The following MGST1 variants were observed in gnomAD, a reference collection of about 807,000 sequenced individuals.
MGST1 encodes microsomal glutathione S-transferase 1.
A neutral mutation model predicts 8.9 loss-of-function variants in MGST1; 5 were observed. The observed-to-expected ratio is 0.56, with a 90% CI of 0.29 to 1.19. The LOEUF (loss-of-function observed/expected upper bound fraction) is 1.19. MGST1 is among the 50% of genes most tolerant of loss of function. The probability of loss-of-function intolerance (pLI) is 0.08; values close to 1 mark genes in which losing one functional copy is unlikely to be tolerated. For synonymous variants in MGST1, 54 were observed against 67.8 expected (o/e 0.80, Z 1.00); for missense variants, 182 against 187.4 (o/e 0.97, Z 0.17).
chr12:16,454,902 A>AAAAAAG lies in MGST1; in HGVS notation n.482+71300_482+71301insAAAGAA, dbSNP rs1555104768. ...AAAAAAAAAAAAAAAAAAAAAAAAA[A>AAAAAAG]AAGGAGATGGGAAGATTTGAGGAGA... is the stretch of plus-strand genomic sequence containing the variant. On this transcript the variant is annotated intron_variant and non_coding_transcript_variant, in intron 4 of 4. Transcript: ENST00000538857. 4.4e-3 allele frequency among the ~76,000 whole-genome samples: 552 copies of AAAAAAG among 125,966 alleles called. 73 individuals are homozygous for AAAAAAG. The highest frequency in any genetic ancestry group is 0.017 in the African/African-American group (524 of 30,902). The allele number at this position is 125,966 out of a possible 152,430, so 82.6% of individuals were successfully genotyped here. A position where few individuals can be genotyped will look rare whatever the true frequency, so the allele number is the denominator to read the frequency against.
intron 3 of MGST1, among the ~76,000 whole-genome samples, chr12:16,359,939 T>C (rs1310899705): frequency 6.6e-6 from 1 of 152,212 alleles, no homozygotes; most frequent in African/African-American, 2.4e-5. Flanking sequence ...GCCCGTGGGA[T>C]TGTACTTTTA....
Position 16,560,689 on chromosome 12 carries a change from A to C in MGST1, n.483-28839A>C. On this transcript the variant is annotated intron_variant and non_coding_transcript_variant, in intron 4 of 4. Transcript: ENST00000538857. The surrounding 1 kb of genome is among the most constrained non-coding windows in gnomAD (Gnocchi z 5.0). The stretch of plus-strand genomic sequence containing the variant: ...GATTTTATCCTAGGTGTATGCATAA[A>C]TATTCTTCTGCAATATATTCTCCGT... 1.0e-5 allele frequency: 7 copies of C among 678,892 alleles called. No individual in the cohort carries two copies. The highest frequency in any genetic ancestry group is 1.8e-5 in the Non-Finnish European group (7 of 395,320). The allele number at this position is 678,892 out of a possible 1,614,324, so 42.1% of individuals were successfully genotyped here.
Position 16,547,001 on chromosome 12 carries a change from C to T in MGST1, n.483-42527C>T, listed in dbSNP as rs1220307000. ...AGTGTTTTAGCAGCTATTCTTTGTACTGTTCAACACGAAAGTCTTACATCT... is the reference window on the plus strand; with the variant it reads ...AGTGTTTTAGCAGCTATTCTTTGTATTGTTCAACACGAAAGTCTTACATCT... On this transcript the variant is annotated intron_variant and non_coding_transcript_variant, in intron 4 of 4. Transcript: ENST00000538857. This position sits in a 1 kb window ranked among gnomAD's most constrained non-coding sequence, Gnocchi z 4.6. Among the ~76,000 whole-genome samples, 3 of 152,118 alleles carry T rather than the reference C, an allele frequency of 2.0e-5. No individual in the cohort carries two copies. Among genetic ancestry groups the T allele is most frequent in the African/African-American group, 7.2e-5 (3 of 41,418 alleles).
intron 4 of MGST1, among the ~76,000 whole-genome samples, chr12:16,572,339 C>CTTTTTTTT (rs59773866): frequency 8.3e-4 from 74 of 89,530 alleles, no homozygotes; most frequent in East Asian, 1.1e-3. Context: ...GGTCCAAACT[C>CTTTTTTTT]TTTTTTTTTT....
chr12:16,528,811 AG>A (rs1941704838), intron 4 of MGST1, among the ~76,000 whole-genome samples: 1 of 152,168 alleles, frequency 6.6e-6, no homozygotes, highest in East Asian at 1.9e-4. Flanking sequence ...GAAGCACCCA[AG>A]AAGAGCCCAT....
At position 16,513,390 on chromosome 12, in the gene MGST1, C is replaced by T; in HGVS notation, n.483-76138C>T. The T allele has an allele frequency of 2.6e-6, 1 of 377,916 alleles. No individual in the cohort carries two copies. Among genetic ancestry groups the T allele is most frequent in the Non-Finnish European group, 5.1e-6 (1 of 194,478 alleles). 23.4% of individuals were successfully genotyped at this position (377,916 alleles called of 1,614,324 possible). ...CTGCCCACTGCCCTCCTACCGTCCACCATGGCTCCTCTGCGCTCCAGCTGC... is the reference window on the plus strand; with the variant it reads ...CTGCCCACTGCCCTCCTACCGTCCATCATGGCTCCTCTGCGCTCCAGCTGC... On this transcript the variant is annotated intron_variant and non_coding_transcript_variant, in intron 4 of 4. Transcript: ENST00000538857. The surrounding 1 kb of genome is among the most constrained non-coding windows in gnomAD (Gnocchi z 4.2).
intron 1 of MGST1, among the ~76,000 whole-genome samples, chr12:16,407,993 C>T (rs1055004583): frequency 1.5e-5 from 2 of 130,654 alleles, no homozygotes; most frequent in Non-Finnish European, 3.1e-5. Flanking sequence ...GATCACGCCA[C>T]TGCATTCCAG....
Position 16,560,720 on chromosome 12 carries a change from T to C in MGST1, n.483-28808T>C. The C allele has an allele frequency of 1.6e-6, 1 of 622,494 alleles. No individual in the cohort carries two copies. Among genetic ancestry groups the C allele is most frequent in the African/African-American group, 1.8e-5 (1 of 54,328 alleles). 38.6% of individuals were successfully genotyped at this position (622,494 alleles called of 1,614,324 possible). ...TTCTGCAATATATTCTCCGTTGACC[T>C]TCCTTGATGAAAATCACATCTTGTT... is the stretch of plus-strand genomic sequence containing the variant. On this transcript the variant is annotated intron_variant and non_coding_transcript_variant, in intron 4 of 4. Transcript: ENST00000538857. The surrounding 1 kb of genome is among the most constrained non-coding windows in gnomAD (Gnocchi z 5.0).
intron 4 of MGST1, among the ~76,000 whole-genome samples, chr12:16,561,276 T>C (rs773404443): frequency 6.6e-6 from 1 of 152,230 alleles, no homozygotes; most frequent in Non-Finnish European, 1.5e-5. Context: ...TCTCATTTCA[T>C]AACGTGAGGA....
intron 1 of MGST1, among the ~76,000 whole-genome samples, chr12:16,390,260 C>T (rs959252336): frequency 2.6e-5 from 4 of 151,662 alleles, no homozygotes; most frequent in Admixed American, 6.6e-5. Flanking sequence ...AAAAAATTGT[C>T]CACTTTAGAA....
At chr12:16,487,033 A>G (rs1206864875) in intron 4 of MGST1, among the ~76,000 whole-genome samples, 3 of 152,102 alleles carry the variant, frequency 2.0e-5, no homozygotes, top group Non-Finnish European at 4.4e-5. Flanking sequence ...CTGCAGCTCA[A>G]TGGCCAGAAT....
chr12:16,398,135 C>G (rs1005535222), intron 1 of MGST1, among the ~76,000 whole-genome samples: 4 of 150,448 alleles, frequency 2.7e-5, no homozygotes, highest in African/African-American at 9.8e-5. Context: ...TTTAGTTCTT[C>G]CAAAATTGAA....
rs996444684 is a variant in MGST1, at chr12:16,414,703, C to A, written n.779-22685C>A. 2.0e-5 allele frequency among the ~76,000 whole-genome samples: 3 copies of A among 152,132 alleles called. No individual in the cohort carries two copies. In the East Asian group the frequency reaches 5.8e-4, roughly 29 times the overall value. On this transcript the variant is annotated intron_variant and non_coding_transcript_variant, in intron 1 of 1. Coordinates refer to the MGST1 transcript ENST00000359720. ...CTGCTGGGATTACAGGTGTGAGCCA[C>A]CGCGCCCGGCCAAGGTGGTTATTTT...
intron 1 of MGST1, among the ~76,000 whole-genome samples, chr12:16,386,296 T>C (rs1940503459): frequency 6.6e-6 from 1 of 152,254 alleles, no homozygotes; most frequent in African/African-American, 2.4e-5. Flanking sequence ...ATTTCTACTC[T>C]GCTGGATAGA....
chr12:16,361,815 G>T lies in MGST1; in HGVS notation c.222-1980G>T, dbSNP rs1264371299. On this transcript the variant is annotated intron_variant, in intron 3 of 3. Transcript: ENST00000396210. This position sits in a 1 kb window ranked among gnomAD's most constrained non-coding sequence, Gnocchi z 4.2. ...TTTGAGGGCTGACGAAAGAGAAAGA[G>T]AACTCAAAAGGGAGAATAAGATAAA... is the stretch of plus-strand genomic sequence containing the variant. 6.6e-6 allele frequency among the ~76,000 whole-genome samples: 1 copy of T among 152,136 alleles called. No homozygotes were observed. The highest frequency in any genetic ancestry group is 2.4e-5 in the African/African-American group (1 of 41,408).
In MGST1 at chr12:16,354,941, T is replaced by TA. The variant is rs1330229967; in HGVS notation, c.126+565dup. 6.6e-5 allele frequency among the ~76,000 whole-genome samples: 10 copies of TA among 152,138 alleles called. No homozygotes were observed. In the East Asian group the frequency reaches 1.9e-3, roughly 29 times the overall value. On this transcript the variant is annotated intron_variant, in intron 2 of 3. Transcript: ENST00000396210. ...ATTATAAGAATGACTTTTTTTTTTT[T>TA]AAGTGCAGATGTGGGGAGGGTGGTA...
intron 1 of MGST1, among the ~76,000 whole-genome samples, chr12:16,427,233 G>A (rs1362936241): frequency 1.3e-5 from 2 of 152,076 alleles, no homozygotes; most frequent in Admixed American, 1.3e-4. Flanking sequence ...AGTGAGAAGA[G>A]GTGCTTAGGC....
Position 16,525,240 on chromosome 12 carries a change from A to G in MGST1, n.483-64288A>G, listed in dbSNP as rs1481751041. On this transcript the variant is annotated intron_variant and non_coding_transcript_variant, in intron 4 of 4. Coordinates refer to the MGST1 transcript ENST00000538857. Reference sequence around the variant, plus strand: ...TACATGTGCCATGCTGGTGCACTGCACCCACTAACTCGTCATCTAGCATTA... The same window carrying G: ...TACATGTGCCATGCTGGTGCACTGCGCCCACTAACTCGTCATCTAGCATTA... Among the ~76,000 whole-genome samples, 12 of 150,268 alleles carry G rather than the reference A, an allele frequency of 8.0e-5. No homozygotes were observed. In the East Asian group the frequency reaches 2.4e-3, roughly 30 times the overall value.
At chr12:16,528,257 T>C (rs1213643680) in intron 4 of MGST1, among the ~76,000 whole-genome samples, 1 of 152,008 alleles carries the variant, frequency 6.6e-6, no homozygotes, top group Non-Finnish European at 1.5e-5. Flanking sequence ...CTGCTTTCCA[T>C]AGTGAAACAC....
Sources: allele counts gnomAD v4.1 joint callset (sites outside exome capture counted in the v4.1 genomes callset), GRCh38; gene constraint gnomAD v4.1.1; non-coding constraint Gnocchi (gnomAD v3.1); transcripts MANE v1.5; gene names NCBI Gene and HGNC (gene_info 2026-07-23, HGNC 2026-07-21).